The following TBCD variants were observed in gnomAD, a reference collection of about 807,000 sequenced individuals.
The protein encoded by TBCD is tubulin-specific chaperone D.
TBCD carries 105 observed loss-of-function variants against 169.3 expected under a neutral mutation model. That is an observed-to-expected ratio of 0.62 (90% confidence interval 0.53 to 0.73). The LOEUF (loss-of-function observed/expected upper bound fraction) is 0.73. TBCD is among the 30% of genes least tolerant of loss of function. The pLI is 0.00. For synonymous variants in TBCD, 700 were observed against 643.9 expected (o/e 1.09, Z -1.32); for missense variants, 1,444 against 1,600.1 (o/e 0.90, Z 1.66).
chr17:82,899,233 G>A (rs773522882), intron 17 of TBCD, among the ~76,000 whole-genome samples: 14 of 148,780 alleles, frequency 9.4e-5, no homozygotes, highest in Non-Finnish European at 1.8e-4. Flanking sequence ...TGTCCTCAGC[G>A]CATGTCCTCA....
chr17:82,934,515 C>G (rs1482908534), intron 34 of TBCD, among the ~76,000 whole-genome samples: 1 of 152,022 alleles, frequency 6.6e-6, no homozygotes, highest in Non-Finnish European at 1.5e-5. Context: ...TGTTGTTGCC[C>G]AGACTGGAGT....
At chr17:82,883,920 A>G (rs991609566) in intron 14 of TBCD, among the ~76,000 whole-genome samples, 2 of 151,810 alleles carry the variant, frequency 1.3e-5, no homozygotes, top group African/African-American at 4.8e-5. Context: ...GGCTCTCGTT[A>G]GAACCAGGGT....
chr17:82,799,240 C>T (rs960175918), intron 8 of TBCD, among the ~76,000 whole-genome samples: 1 of 151,716 alleles, frequency 6.6e-6, no homozygotes, highest in Non-Finnish European at 1.5e-5. Flanking sequence ...GTCAGGAGAT[C>T]GAGACCAGCC....
At chr17:82,819,441 G>A (rs1401164180) in intron 13 of TBCD, among the ~76,000 whole-genome samples, 1 of 152,114 alleles carries the variant, frequency 6.6e-6, no homozygotes, top group Admixed American at 6.5e-5. Flanking sequence ...CTATTTCTTG[G>A]TCTCTGACTC....
At chr17:82,941,684 C>G (rs951209009) in intron 38 of TBCD, 17 of 571,168 alleles carry the variant, frequency 3.0e-5, no homozygotes, top group Non-Finnish European at 5.2e-5. Context: ...CCTGTGGCAT[C>G]CAGGCCACTT....
chr17:82,880,464 T>C lies in TBCD; in HGVS notation c.1476-3681T>C, dbSNP rs915424660. Among the ~76,000 whole-genome samples, 4 of 152,236 alleles carry C rather than the reference T, an allele frequency of 2.6e-5. No individual in the cohort carries two copies. The highest frequency in any genetic ancestry group is 4.4e-5 in the Non-Finnish European group (3 of 68,040). ...ACACCCTTATCTTTGGGAGTGGGTA[T>C]TATTCTGCTGAAGACAAGGGTGGGG... On this transcript the variant is annotated intron_variant, in intron 14 of 38. Transcript: ENST00000355528. This position sits in a 1 kb window ranked among gnomAD's most constrained non-coding sequence, Gnocchi z 5.0.
At chr17:82,849,104 C>T (rs1373492658) in intron 13 of TBCD, among the ~76,000 whole-genome samples, 10 of 79,060 alleles carry the variant, frequency 1.3e-4, no homozygotes, top group Non-Finnish European at 2.1e-4. Context: ...TCCCCCTCTG[C>T]CTGCTGCGTC....
chr17:82,911,735 C>T (rs975261783), intron 22 of TBCD, 23 bp from the exon 23 acceptor site: 3 of 1,613,122 alleles, frequency 1.9e-6, no homozygotes, highest in Non-Finnish European at 2.5e-6. Context: ...TCTTCTAATT[C>T]TGATGTTTTC....
At chr17:82,796,682 G>A (rs977992930) in intron 7 of TBCD, among the ~76,000 whole-genome samples, 1 of 152,194 alleles carries the variant, frequency 6.6e-6, no homozygotes, top group African/African-American at 2.4e-5. Flanking sequence ...TGTGACTGGT[G>A]GTCTGTGTGC....
At chr17:82,867,033 G>A (rs1220250325) in intron 13 of TBCD, among the ~76,000 whole-genome samples, 1 of 152,230 alleles carries the variant, frequency 6.6e-6, no homozygotes, top group African/African-American at 2.4e-5. Flanking sequence ...CTGTCTCTGG[G>A]TGGCTGATTC....
chr17:82,806,117 T>C lies in TBCD; in HGVS notation c.1087+106T>C, dbSNP rs1316471111. On this transcript the variant is annotated intron_variant, in intron 10 of 38. Transcript: ENST00000355528. This position sits in a 1 kb window ranked among gnomAD's most constrained non-coding sequence, Gnocchi z 5.1. ...CTTCCTTGCTGGTGCCGGCACTGTC[T>C]GGCCACCCGTCCCCTTCGCTGAGTG... The C allele has an allele frequency of 2.1e-6, 3 of 1,462,342 alleles. No homozygotes were observed. Among genetic ancestry groups the C allele is most frequent in the Non-Finnish European group, 2.8e-6 (3 of 1,084,338 alleles). The allele number at this position is 1,462,342 out of a possible 1,614,324, so 90.6% of individuals were successfully genotyped here. A position where few individuals can be genotyped will look rare whatever the true frequency, so the allele number is the denominator to read the frequency against.
chr17:82,807,731 C>G, intron 11 of TBCD, 63 bp downstream of exon 11: 2 of 1,298,136 alleles, frequency 1.5e-6, no homozygotes, highest in Non-Finnish European at 2.0e-6. Flanking sequence ...TGCGATTCAG[C>G]AGCTACAAAT....
At chr17:82,908,655 C>G (rs921270258) in intron 21 of TBCD, among the ~76,000 whole-genome samples, 2 of 152,194 alleles carry the variant, frequency 1.3e-5, no homozygotes, top group Non-Finnish European at 2.9e-5. Flanking sequence ...CTGGCCTCCC[C>G]CTCTGACCGA....
chr17:82,865,514 G>A, intron 13 of TBCD: 2 of 985,494 alleles, frequency 2.0e-6, no homozygotes, highest in Non-Finnish European at 2.4e-6. Flanking sequence ...CCTCGTGGAG[G>A]GTGTGGCGGG....
intron 13 of TBCD, among the ~76,000 whole-genome samples, chr17:82,827,168 G>C (rs1364571992): frequency 6.6e-6 from 1 of 152,194 alleles, no homozygotes; most frequent in African/African-American, 2.4e-5. Context: ...TAGCAATGCT[G>C]GTGTTTCAAC....
chr17:82,902,550 C>T (rs2059962337), intron 18 of TBCD, among the ~76,000 whole-genome samples: 1 of 152,214 alleles, frequency 6.6e-6, no homozygotes, highest in Non-Finnish European at 1.5e-5. Context: ...CCTCGAAGAG[C>T]TCTTTGTTTA....
At chr17:82,891,055 G>A (rs2059100828) in intron 16 of TBCD, among the ~76,000 whole-genome samples, 1 of 152,236 alleles carries the variant, frequency 6.6e-6, no homozygotes, top group Non-Finnish European at 1.5e-5. Context: ...CCAGAGCCCG[G>A]GGTGACGACC....
intron 13 of TBCD, among the ~76,000 whole-genome samples, chr17:82,847,664 G>C (rs2055262345): frequency 6.6e-6 from 1 of 152,166 alleles, no homozygotes; most frequent in Admixed American, 6.5e-5. Context: ...TTGAGACAGA[G>C]TCTTGCTCTG....
chr17:82,859,708 AGT>A (rs1380176433), intron 13 of TBCD: 1 of 985,310 alleles, frequency 1.0e-6, no homozygotes, highest in Non-Finnish European at 1.2e-6. Flanking sequence ...GCCCGCCGGG[AGT>A]GTGGCTGTGG....
Sources: gnomAD v4.1 joint callset for allele counts (sites outside exome capture counted in the v4.1 genomes callset) on GRCh38, gnomAD v4.1.1 for gene constraint, Gnocchi (gnomAD v3.1) non-coding constraint, MANE v1.5 for transcripts, NCBI Gene and HGNC (gene_info 2026-07-23, HGNC 2026-07-21) for gene names.